Variants in HR observed in about 807,000 individuals in gnomAD.
HR encodes lysine-specific demethylase hairless.
In HR, 83 loss-of-function variants were observed where a neutral mutation model predicts 128.6. The observed-to-expected ratio is 0.65, with a 90% CI of 0.54 to 0.77. The LOEUF (loss-of-function observed/expected upper bound fraction) is 0.77. Among genes scored for constraint, HR ranks in the 30% least tolerant of loss-of-function variants. The pLI is 0.00. For synonymous variants in HR, 681 were observed against 658.2 expected, an observed-to-expected ratio of 1.03 and a Z score of -0.53; for missense variants, 1,490 against 1,574.6, an observed-to-expected ratio of 0.95 and a Z score of 0.91.
intron 16 of HR, 117 bp downstream of exon 16, chr8:22,118,833 G>T: frequency 1.2e-6 from 1 of 846,454 alleles, no homozygotes; most frequent in Non-Finnish European, 1.9e-6. Flanking sequence ...GGTCTGTGCA[G>T]CTCACCTGAG....
rs756623246 is a variant in HR, at chr8:22,125,740, G to A, written c.1406-8C>T. The A allele has an allele frequency of 1.2e-6, 2 of 1,613,486 alleles. No individual in the cohort carries two copies. Among genetic ancestry groups the A allele is most frequent in the East Asian group, 2.2e-5 (1 of 44,874 alleles). The stretch of plus-strand genomic sequence containing the variant: ...CCTGGCCATCTTGGGGTCCTGAGGG[G>A]ACAATGCAGAGGTCAGGAATCTGGG... On this transcript the variant is annotated splice_region_variant and splice_polypyrimidine_tract_variant and intron_variant, in intron 3 of 18. Coordinates refer to ENST00000381418, the MANE Select transcript of HR (RefSeq NM_005144.5).
Position 22,120,722 on chromosome 8 carries a change from C to T in HR, c.2604G>A (p.Gln868=), listed in dbSNP as rs1312799646. The change falls in exon 11 of 19, where the codon CAG becomes CAA. Residue 868 remains glutamine (Q), a synonymous_variant. Coordinates refer to ENST00000381418, the MANE Select transcript of HR (RefSeq NM_005144.5). ...GFHLFQEHWR[Q]GQPVLVSGIQ... ...GAGGGGAGGGGTGCCTCACCTGGCCCTGCCTCCAGTGCTCCTGGAAGAGGT... is the reference window on the plus strand; with the variant it reads ...GAGGGGAGGGGTGCCTCACCTGGCCTTGCCTCCAGTGCTCCTGGAAGAGGT... The T allele has an allele frequency of 6.7e-7, 1 of 1,502,288 alleles. No individual in the cohort carries two copies. The highest frequency in any genetic ancestry group is 1.4e-5 in the African/African-American group (1 of 72,262). The allele number at this position is 1,502,288 out of a possible 1,614,324, so 93.1% of individuals were successfully genotyped here. A position where few individuals can be genotyped will look rare whatever the true frequency, so the allele number is the denominator to read the frequency against.
In HR at chr8:22,121,067, T is replaced by G; in HGVS notation, c.2365A>C (p.Ser789Arg). The G allele has an allele frequency of 6.2e-7, 1 of 1,613,596 alleles. No homozygotes were observed. Reference sequence around the variant, plus strand: ...CCTCCCTCCGTGCCCTCACTCACACTGGGCAGGGCCGGAGTGACGGGGGCG... The same window carrying G: ...CCTCCCTCCGTGCCCTCACTCACACGGGGCAGGGCCGGAGTGACGGGGGCG... Reference protein sequence around the residue: ...AFAPVTPALPSDDRITNILDS... With the variant: ...AFAPVTPALPRDDRITNILDS... Residue 789 changes from serine to arginine, a missense_variant and splice_region_variant, in exon 10 of 19, where the codon AGT (serine) becomes CGT (arginine). This residue lies in a region of HR where 1,060 missense variants were observed against 1,060.9 expected (regional missense o/e 1.00). Transcript: ENST00000381418.
At position 22,122,464 on chromosome 8, in the gene HR, C is replaced by A. The variant is rs760181522; in HGVS notation, c.2121+29G>T. On this transcript the variant is annotated intron_variant, in intron 8 of 18. Coordinates refer to ENST00000381418, the MANE Select transcript of HR (RefSeq NM_005144.5). Reference sequence around the variant, plus strand: ...AGGTCAGCCATTTGCAGGCACGATACCCAACCGGTGACATGCCCTGGGTCT... The same window carrying A: ...AGGTCAGCCATTTGCAGGCACGATAACCAACCGGTGACATGCCCTGGGTCT... The A allele has an allele frequency of 7.2e-6, 11 of 1,536,246 alleles. No homozygotes were observed. In the South Asian group the frequency reaches 1.2e-4, roughly 16 times the overall value.
rs1563188863 is a variant in HR at position 22,128,901 on chromosome 8, C to G, written c.270G>C (p.Trp90Cys). 2.5e-6 allele frequency: 4 copies of G among 1,613,398 alleles called. No homozygotes were observed. The highest frequency in any genetic ancestry group is 3.4e-6 in the Non-Finnish European group (4 of 1,180,028). ...GPQNGERKVN[W>C]LGSKEGLRWK... The stretch of plus-strand genomic sequence containing the variant: ...AGCGCAGTCCCTCTTTGCTGCCCAG[C>G]CAGTTGACCTTCCTCTCCCCATTCT... Residue 90 changes from tryptophan to cysteine, a missense_variant, in exon 2 of 19, where the codon TGG (tryptophan) becomes TGC (cysteine). Trp to Cys is a radical substitution (Grantham distance 215, BLOSUM62 -2). Coordinates refer to ENST00000381418, the MANE Select transcript of HR (RefSeq NM_005144.5).
chr8:22,125,663 G>T lies in HR; in HGVS notation c.1475C>A (p.Ala492Glu), dbSNP rs755486390. The T allele has an allele frequency of 5.0e-6, 8 of 1,613,508 alleles. No homozygotes were observed. The highest frequency in any genetic ancestry group is 6.8e-6 in the Non-Finnish European group (8 of 1,179,904). ...ACAACTTTGGCATTGAGCCAGTTTT[G>T]CAGGGAGAGCCAGGCATGGTATGTC... ...LQDIPCLALP[A>E]KLAQCQSCAQ... Residue 492 changes from alanine (A) to glutamate (E), a missense_variant, in exon 4 of 19, where the codon GCA becomes GAA. Ala to Glu is a moderately radical substitution (Grantham distance 107). Transcript: ENST00000381418.
rs368256327 is a variant in HR, at chr8:22,121,166, G to T, written c.2266C>A (p.Pro756Thr). 10 of 1,613,854 alleles carry T rather than the reference G, an allele frequency of 6.2e-6. No individual in the cohort carries two copies. The highest frequency in any genetic ancestry group is 8.5e-6 in the Non-Finnish European group (10 of 1,180,040). Residue 756 changes from proline (P) to threonine (T), a missense_variant, in exon 10 of 19, where the codon CCT (proline) becomes ACT (threonine). By Grantham distance (38) the Pro-to-Thr change is conservative. Coordinates refer to ENST00000381418, the MANE Select transcript of HR (RefSeq NM_005144.5). ...DRAGRGPLPC[P>T]SLCELLASTA... is the part of the protein sequence containing the mutation. The stretch of plus-strand genomic sequence containing the variant: ...GAAGCCAGCAGTTCGCAGAGAGAAG[G>T]ACAAGGCAGGGGCCCTCGGCCAGCA...
chr8:22,126,801 CATT>C (rs778153092), intron 3 of HR, among the ~76,000 whole-genome samples: 7 of 152,224 alleles, frequency 4.6e-5, no homozygotes, highest in Non-Finnish European at 8.8e-5. Context: ...TGAACTATGT[CATT>C]ATACTGCCAC....
chr8:22,124,596 C>T (rs367694474), intron 5 of HR, among the ~76,000 whole-genome samples: 1 of 152,114 alleles, frequency 6.6e-6, no homozygotes, highest in Non-Finnish European at 1.5e-5. Flanking sequence ...TGTGGCACCA[C>T]GAGGCGGGTG....
chr8:22,123,616 A>AGGGGGGGC, intron 6 of HR, 33 bp downstream of exon 6: 15 of 562,342 alleles, frequency 2.7e-5, no homozygotes, highest in Non-Finnish European at 3.6e-5. Context: ...TGAGGGCTCC[A>AGGGGGGGC]TCCCGCCCTC....
At position 22,122,832 on chromosome 8, in the gene HR, C is replaced by A. The variant is rs764136739; in HGVS notation, c.1963G>T (p.Ala655Ser). The change falls in exon 7 of 19, where the codon GCT becomes TCT. Residue 655 changes from alanine to serine, a missense_variant. Ala to Ser is a moderately conservative substitution (Grantham distance 99). Around this residue, in one of 3 missense-constraint regions of HR, gnomAD observed 1,060 missense variants for 1,060.9 expected, o/e 1.00. Coordinates refer to ENST00000381418, the MANE Select transcript of HR (RefSeq NM_005144.5). ...TGGGTCAGCATCAGGGAACAGGCAG[C>A]GTGCCCGGCCTCCTGCGTGCACTCC... ...AEECTQEAGH[A>S]ACSLMLTQFV... 1 of 1,556,198 alleles carries A rather than the reference C, an allele frequency of 6.4e-7. No homozygotes were observed. The highest frequency in any genetic ancestry group is 8.7e-7 in the Non-Finnish European group (1 of 1,150,060).
At chr8:22,123,197 A>G (rs1442875931) in intron 6 of HR, among the ~76,000 whole-genome samples, 2 of 152,208 alleles carry the variant, frequency 1.3e-5, no homozygotes, top group African/African-American at 4.8e-5. Flanking sequence ...CCCGTGGCCA[A>G]CTTGAGCCAA....
chr8:22,121,267 T>C (rs1490683014), intron 9 of HR, 39 bp from the exon 10 acceptor site: 2 of 1,604,162 alleles, frequency 1.2e-6, no homozygotes, highest in African/African-American at 2.7e-5. Flanking sequence ...TCGCGTTTGG[T>C]CCCTCCTCTT....
In HR at chr8:22,127,438, C is replaced by G; in HGVS notation, c.1004G>C (p.Gly335Ala). 3.1e-6 allele frequency: 5 copies of G among 1,612,062 alleles called. No homozygotes were observed. The highest frequency in any genetic ancestry group is 4.2e-6 in the Non-Finnish European group (5 of 1,178,954). The change falls in exon 3 of 19, where the codon GGT (glycine) becomes GCT (alanine). Residue 335 changes from glycine to alanine, a missense_variant. This residue lies in a region of HR where 1,060 missense variants were observed against 1,060.9 expected (regional missense o/e 1.00). Coordinates refer to ENST00000381418, the MANE Select transcript of HR (RefSeq NM_005144.5). ...CTTCCCACAAGGGCCAAGACCCCCACCTTTAGTGGGTGGGTAGGATGAACA... is the reference window on the plus strand; with the variant it reads ...CTTCCCACAAGGGCCAAGACCCCCAGCTTTAGTGGGTGGGTAGGATGAACA... ...GCCSSYPPTK[G>A]GGLGPCGKCQ...
chr8:22,123,864 A>C, intron 5 of HR, 51 bp from the exon 6 acceptor site: 4 of 1,553,294 alleles, frequency 2.6e-6, no homozygotes, highest in Non-Finnish European at 3.5e-6. Flanking sequence ...ACAGGCCCCA[A>C]TGGAAGGCTT....
intron 2 of HR, chr8:22,128,084 G>A (rs1826947838): frequency 6.8e-6 from 4 of 591,402 alleles, no homozygotes; most frequent in Non-Finnish European, 3.0e-6. Flanking sequence ...CACAGCCAAA[G>A]GGCATCTGGG....
Position 22,115,589 on chromosome 8 carries a change from G to T in HR, c.*111C>A, listed in dbSNP as rs1826564775. On this transcript the variant is annotated 3_prime_UTR_variant, in exon 19 of 19. Transcript: ENST00000381418. Reference sequence around the variant, plus strand: ...CTTGTGCCCAGAGTGGTGCTTGTGGGGTTGACCAGAAATCCCCAAGTCCCC... The same window carrying T: ...CTTGTGCCCAGAGTGGTGCTTGTGGTGTTGACCAGAAATCCCCAAGTCCCC... 1 of 933,494 alleles carries T rather than the reference G, an allele frequency of 1.1e-6. No individual in the cohort carries two copies. The highest frequency in any genetic ancestry group is 2.6e-5 in the East Asian group (1 of 39,186). 57.8% of individuals were successfully genotyped at this position (933,494 alleles called of 1,614,324 possible).
chr8:22,121,254 G>C (rs370739747), intron 9 of HR, 26 bp from the exon 10 acceptor site: 2 of 1,611,490 alleles, frequency 1.2e-6, no homozygotes, highest in South Asian at 2.2e-5. Flanking sequence ...ATGGTGGGGG[G>C]CTTCGCGTTT....
chr8:22,116,273 C>T lies in HR; in HGVS notation c.3507+27G>A. 1.9e-6 allele frequency: 3 copies of T among 1,611,436 alleles called. No individual in the cohort carries two copies. The highest frequency in any genetic ancestry group is 2.5e-6 in the Non-Finnish European group (3 of 1,179,712). ...AGGTGGGAGGCTTGGGTAGCACACC[C>T]AGCCTGCTGGCCCACATCCCACTCA... On this transcript the variant is annotated intron_variant, in intron 18 of 18. Coordinates refer to ENST00000381418, the MANE Select transcript of HR (RefSeq NM_005144.5). This position sits in a 1 kb window ranked among gnomAD's most constrained non-coding sequence, Gnocchi z 4.2.
Sources: allele counts gnomAD v4.1 joint callset (sites outside exome capture counted in the v4.1 genomes callset), GRCh38; gene constraint gnomAD v4.1.1; regional missense constraint gnomAD v4.1.1; non-coding constraint Gnocchi (gnomAD v3.1); transcripts MANE v1.5; gene names NCBI Gene and HGNC (gene_info 2026-07-23, HGNC 2026-07-21).